Variants in SLC7A11 observed in about 807,000 individuals in gnomAD.
The protein encoded by SLC7A11 is cystine/glutamate transporter.
Under a neutral mutation model 54.5 loss-of-function variants are expected in SLC7A11, and 35 were observed. That is an observed-to-expected ratio of 0.64 (90% CI 0.49 to 0.85). The LOEUF is 0.85. Among genes scored for constraint, SLC7A11 ranks in the 40% least tolerant of loss-of-function variants. SLC7A11 has a pLI of 0.00. For synonymous variants in SLC7A11, 230 were observed against 225.2 expected, an observed-to-expected ratio of 1.02 and a Z score of -0.19; for missense variants, 583 against 618.1, an observed-to-expected ratio of 0.94 and a Z score of 0.60.
intron 1 of SLC7A11, among the ~76,000 whole-genome samples, chr4:138,239,550 AGT>A (rs1380541807): frequency 2.0e-5 from 3 of 152,220 alleles, no homozygotes; most frequent in Non-Finnish European, 4.4e-5. Context: ...TGGTAACTTA[AGT>A]GACAAATGCA....
chr4:138,241,439 G>A (rs1360302169), intron 1 of SLC7A11, among the ~76,000 whole-genome samples: 2 of 152,184 alleles, frequency 1.3e-5, no homozygotes, highest in Non-Finnish European at 2.9e-5. Flanking sequence ...CAGCATGCCA[G>A]CTGCCAGAAT....
At chr4:138,224,988 T>C (rs1242778463) in intron 3 of SLC7A11, among the ~76,000 whole-genome samples, 2 of 151,380 alleles carry the variant, frequency 1.3e-5, no homozygotes, top group Non-Finnish European at 3.0e-5. Context: ...ATGATGAACA[T>C]ATAGCATTTT....
intron 2 of SLC7A11, among the ~76,000 whole-genome samples, chr4:138,234,400 T>G (rs1218644914): frequency 6.6e-6 from 1 of 152,190 alleles, no homozygotes; most frequent in African/African-American, 2.4e-5. Context: ...CATACTTAGA[T>G]ATTTTGTCCC....
rs771669188 is a variant in SLC7A11 at position 138,168,499 on chromosome 4, T to G, written c.*3457A>C. ...TCTGCAAATCAAGATAAAATAATGA[T>G]TTTCCTGTAGACTGATTACAGTTCA... On this transcript the variant is annotated 3_prime_UTR_variant, in exon 12 of 12. Transcript: ENST00000280612. 24 of 152,334 alleles carry G rather than the reference T, an allele frequency of 1.6e-4. No homozygotes were observed. Among genetic ancestry groups the G allele is most frequent in the Admixed American group, 2.6e-4 (4 of 15,292 alleles). The allele number at this position is 152,334 out of a possible 1,614,324, so 9.4% of individuals were successfully genotyped here.
chr4:138,227,459 T>C (rs1371251542), intron 3 of SLC7A11, among the ~76,000 whole-genome samples: 1 of 152,252 alleles, frequency 6.6e-6, no homozygotes, highest in Non-Finnish European at 1.5e-5. Flanking sequence ...AAGTGATATA[T>C]AAATATAAAC....
At chr4:138,231,332 T>C (rs933454767) in intron 3 of SLC7A11, among the ~76,000 whole-genome samples, 17 of 152,266 alleles carry the variant, frequency 1.1e-4, no homozygotes, top group African/African-American at 3.8e-4. Flanking sequence ...CCTAAATCTA[T>C]TTTTTAAATT....
chr4:138,203,239 AGT>A (rs1175166242), intron 6 of SLC7A11, among the ~76,000 whole-genome samples: 2 of 152,090 alleles, frequency 1.3e-5, no homozygotes, highest in African/African-American at 4.8e-5. Context: ...TTTAGGCATT[AGT>A]GTGTCATTTT....
chr4:138,207,006 A>C (rs1737425396), intron 6 of SLC7A11, among the ~76,000 whole-genome samples: 1 of 151,064 alleles, frequency 6.6e-6, no homozygotes, highest in South Asian at 2.1e-4. Flanking sequence ...CAAAAAAAAA[A>C]AAAAAACCCC....
intron 11 of SLC7A11, among the ~76,000 whole-genome samples, chr4:138,173,412 A>T (rs1736486531): frequency 6.6e-6 from 1 of 151,998 alleles, no homozygotes; most frequent in African/African-American, 2.4e-5. Context: ...AGGTGGGTGG[A>T]TCACCTGAGG....
intron 11 of SLC7A11, chr4:138,175,819 CA>C (rs1306998956): frequency 6.6e-6 from 1 of 152,116 alleles, no homozygotes; most frequent in African/African-American, 2.4e-5. Context: ...GGTTACCTCT[CA>C]TTTTTCATGG....
chr4:138,233,878 C>G (rs1333971010), intron 2 of SLC7A11, among the ~76,000 whole-genome samples: 2 of 152,144 alleles, frequency 1.3e-5, no homozygotes, highest in East Asian at 3.9e-4. Context: ...GGATATGAAT[C>G]TTCTCTGCCT....
chr4:138,204,193 GAGCTCT>G (rs1456001806), intron 6 of SLC7A11, among the ~76,000 whole-genome samples: 1 of 152,092 alleles, frequency 6.6e-6, no homozygotes, highest in Non-Finnish European at 1.5e-5. Flanking sequence ...GAAAGAGTAT[GAGCTCT>G]AGAACCAGGC....
chr4:138,180,429 A>G (rs1280930602), intron 10 of SLC7A11, among the ~76,000 whole-genome samples: 3 of 152,104 alleles, frequency 2.0e-5, no homozygotes, highest in South Asian at 2.1e-4. Context: ...TTGACATACA[A>G]AGTTCAAGCC....
chr4:138,217,036 G>C (rs540359497), intron 5 of SLC7A11, among the ~76,000 whole-genome samples: 1 of 152,160 alleles, frequency 6.6e-6, no homozygotes, highest in South Asian at 2.1e-4. Context: ...TTTTCCTCTA[G>C]AACCCCACAC....
intron 1 of SLC7A11, among the ~76,000 whole-genome samples, chr4:138,239,630 A>C (rs899274600): frequency 4.6e-5 from 7 of 152,062 alleles, no homozygotes; most frequent in Admixed American, 3.9e-4. Context: ...AAGAATACCA[A>C]CTCAAGTGTA....
At chr4:138,188,069 T>G (rs774070867) in intron 6 of SLC7A11, among the ~76,000 whole-genome samples, 9 of 151,926 alleles carry the variant, frequency 5.9e-5, no homozygotes, top group Non-Finnish European at 1.0e-4. Context: ...TTAAAAAAAT[T>G]TTCTTTTTTT....
chr4:138,189,953 T>C (rs4432801), intron 6 of SLC7A11, among the ~76,000 whole-genome samples: 145,379 of 152,204 alleles, frequency 0.96, 69,806 homozygotes, highest in East Asian at 1. Context: ...TCTCTAATCG[T>C]CTGAATTTAG....
chr4:138,213,315 T>C, intron 6 of SLC7A11, among the ~76,000 whole-genome samples: 1 of 152,070 alleles, frequency 6.6e-6, no homozygotes, highest in Non-Finnish European at 1.5e-5. Context: ...ATTGCTGGCT[T>C]ATGTGTTCTA....
intron 6 of SLC7A11, among the ~76,000 whole-genome samples, chr4:138,204,655 T>C (rs1475572207): frequency 6.6e-6 from 1 of 151,670 alleles, no homozygotes; most frequent in Admixed American, 6.6e-5. Flanking sequence ...AAACAGTCCA[T>C]CCATTATATC....
Sources: gnomAD v4.1 joint callset for allele counts (sites outside exome capture counted in the v4.1 genomes callset) on GRCh38, gnomAD v4.1.1 for gene constraint, MANE v1.5 for transcripts, NCBI Gene and HGNC (gene_info 2026-07-23, HGNC 2026-07-21) for gene names.